POU6F2: variants seen among roughly 807,000 people sequenced by gnomAD.
The protein encoded by POU6F2 is POU domain, class 6, transcription factor 2.
In POU6F2, 31 loss-of-function variants were observed where a neutral mutation model predicts 71.3. The observed-to-expected ratio is 0.43, with a 90% CI of 0.33 to 0.59. The LOEUF is 0.59. Among genes scored for constraint, POU6F2 ranks in the 20% least tolerant of loss-of-function variants. POU6F2 has a pLI of 0.04. For synonymous variants in POU6F2, 347 were observed against 355.7 expected (o/e 0.98, Z 0.27); for missense variants, 783 against 856.8 (o/e 0.91, Z 1.07).
Position 39,039,032 on chromosome 7 carries a change from G to A in POU6F2, c.106-46828G>A, listed in dbSNP as rs140341174. Among the ~76,000 whole-genome samples, 283 of 152,054 alleles carry A rather than the reference G, an allele frequency of 1.9e-3. 2 individuals are homozygous for A. Among genetic ancestry groups the A allele is most frequent in the African/African-American group, 6.6e-3 (272 of 41,506 alleles). On this transcript the variant is annotated intron_variant, in intron 1 of 9. Coordinates refer to ENST00000518318, the MANE Select transcript of POU6F2 (RefSeq NM_001370959.1). ...ATATAAATACATGGATTTAGGGCAT[G>A]GATTCAAGCCAGTTTGAATTCACAT...
chr7:39,170,513 T>A (rs1325379466), intron 2 of POU6F2, among the ~76,000 whole-genome samples: 1 of 152,116 alleles, frequency 6.6e-6, no homozygotes. Context: ...TCATTATATA[T>A]ATTTAATCAT....
At chr7:39,164,344 C>G (rs1011249461) in intron 2 of POU6F2, among the ~76,000 whole-genome samples, 1 of 146,938 alleles carries the variant, frequency 6.8e-6, no homozygotes, top group African/African-American at 2.5e-5. Context: ...TAGATAAAAG[C>G]ACTCCATAGA....
At chr7:39,327,218 G>A (rs189418118) in intron 4 of POU6F2, among the ~76,000 whole-genome samples, 28 of 151,404 alleles carry the variant, frequency 1.8e-4, no homozygotes, top group African/African-American at 6.3e-4. Context: ...GGTGGAGCTT[G>A]CAGGGAGCTG....
At chr7:39,389,220 A>G (rs1182877008) in intron 5 of POU6F2, among the ~76,000 whole-genome samples, 1 of 152,162 alleles carries the variant, frequency 6.6e-6, no homozygotes, top group Non-Finnish European at 1.5e-5. Flanking sequence ...CAACATGACT[A>G]TATCATGTCT....
intron 1 of POU6F2, among the ~76,000 whole-genome samples, chr7:39,076,130 A>G (rs1332233467): frequency 6.6e-6 from 1 of 152,054 alleles, no homozygotes; most frequent in Non-Finnish European, 1.5e-5. Context: ...ACCAAAGCTA[A>G]CCTTTGCTCT....
chr7:39,226,457 C>T (rs2128749266), intron 4 of POU6F2, among the ~76,000 whole-genome samples: 1 of 152,288 alleles, frequency 6.6e-6, no homozygotes, highest in African/African-American at 2.4e-5. Context: ...ACATCAAATG[C>T]TCACAAATAC....
chr7:39,069,191 T>G (rs1460529992), intron 1 of POU6F2, among the ~76,000 whole-genome samples: 1 of 152,198 alleles, frequency 6.6e-6, no homozygotes, highest in Non-Finnish European at 1.5e-5. Context: ...AAAAGCTGCA[T>G]TGAGACAAGG....
chr7:39,085,589 T>G (rs947703331), intron 1 of POU6F2, among the ~76,000 whole-genome samples: 1 of 152,058 alleles, frequency 6.6e-6, no homozygotes, highest in African/African-American at 2.4e-5. Context: ...TTTTTTTTTT[T>G]TTTTCCTCCG....
intron 4 of POU6F2, among the ~76,000 whole-genome samples, chr7:39,328,408 C>T (rs1469688574): frequency 2.0e-5 from 3 of 152,262 alleles, no homozygotes; most frequent in African/African-American, 4.8e-5. Context: ...CTTAATCTAT[C>T]GGGAACAAAT....
intron 4 of POU6F2, among the ~76,000 whole-genome samples, chr7:39,324,377 A>G (rs1426470195): frequency 2.0e-5 from 3 of 152,182 alleles, no homozygotes; most frequent in Non-Finnish European, 4.4e-5. Flanking sequence ...TTCAAGAGAA[A>G]GTGATGGGGG....
At chr7:39,325,079 T>C (rs1785480883) in intron 4 of POU6F2, among the ~76,000 whole-genome samples, 1 of 152,240 alleles carries the variant, frequency 6.6e-6, no homozygotes. Context: ...GAGTAACTTT[T>C]AGCATTAACA....
chr7:39,360,810 G>A (rs112730135), intron 5 of POU6F2, among the ~76,000 whole-genome samples: 7,840 of 152,290 alleles, frequency 0.051, 263 homozygotes, highest in Non-Finnish European at 0.072. Flanking sequence ...GTAACTTCCT[G>A]ACATTGCTAT....
At chr7:39,415,946 C>G (rs1343103451) in intron 6 of POU6F2, among the ~76,000 whole-genome samples, 2 of 152,108 alleles carry the variant, frequency 1.3e-5, no homozygotes, top group African/African-American at 4.8e-5. Flanking sequence ...CCTTCCATAT[C>G]ACCCTGATTT....
chr7:39,185,801 ATATATATG>A (rs1050312175), intron 2 of POU6F2, among the ~76,000 whole-genome samples: 1 of 134,898 alleles, frequency 7.4e-6, no homozygotes, highest in African/African-American at 2.9e-5. Context: ...TGGTATACAT[ATATATATG>A]TATATGTATA....
chr7:39,104,490 A>G (rs924354149), intron 2 of POU6F2, among the ~76,000 whole-genome samples: 12 of 152,198 alleles, frequency 7.9e-5, no homozygotes, highest in Admixed American at 5.9e-4. Flanking sequence ...TTTCCTCACA[A>G]TGTACCTGGG....
chr7:39,045,725 C>T lies in POU6F2; in HGVS notation c.106-40135C>T, dbSNP rs182857700. ...TATTCCCCTCTACAGCCAGTCTCCA[C>T]TCCTACCCCTACCCCAGGCAACCAA... On this transcript the variant is annotated intron_variant, in intron 1 of 9. Transcript: ENST00000518318. Among the ~76,000 whole-genome samples the T allele has an allele frequency of 2.1e-4, 32 of 152,068 alleles. No homozygotes were observed. In the East Asian group the frequency reaches 6.2e-3, roughly 30 times the overall value.
chr7:39,130,128 T>A (rs890427208), intron 2 of POU6F2, among the ~76,000 whole-genome samples: 3 of 141,254 alleles, frequency 2.1e-5, no homozygotes, highest in African/African-American at 5.2e-5. Context: ...CCATTTTTTT[T>A]AAAGTAAAGA....
intron 1 of POU6F2, among the ~76,000 whole-genome samples, chr7:39,014,761 G>A (rs968216071): frequency 2.0e-5 from 3 of 151,822 alleles, no homozygotes; most frequent in African/African-American, 7.3e-5. Flanking sequence ...TCCTCCTAAT[G>A]TCAAAGGTCC....
chr7:39,100,657 T>C (rs1485343516), intron 2 of POU6F2, among the ~76,000 whole-genome samples: 1 of 152,228 alleles, frequency 6.6e-6, no homozygotes, highest in Non-Finnish European at 1.5e-5. Flanking sequence ...TAATGTTAAG[T>C]AGAAGAGACA....
Sources: allele counts gnomAD v4.1 joint callset (sites outside exome capture counted in the v4.1 genomes callset), GRCh38; gene constraint gnomAD v4.1.1; transcripts MANE v1.5; gene names NCBI Gene and HGNC (gene_info 2026-07-23, HGNC 2026-07-21).